Variants in CDH23 observed in about 807,000 individuals in gnomAD.
CDH23 encodes cadherin related 23, also known as cadherin-23.
CDH23 carries 189 observed loss-of-function variants against 317.1 expected under a neutral mutation model. The observed-to-expected ratio is 0.60, with a 90% CI of 0.53 to 0.67. CDH23 has a LOEUF of 0.67. Ranked by LOEUF, CDH23 falls within the 30% of genes least tolerant of loss-of-function variation. The pLI is 0.00. For missense variants in CDH23, 4,401 were observed against 4,592.4 expected (o/e 0.96, Z 1.20); for synonymous variants, 1,839 against 1,876.8 (o/e 0.98, Z 0.52).
Position 71,799,104 on chromosome 10 carries a change from G to A in CDH23, c.7055-7G>A. 6.2e-7 allele frequency: 1 copy of A among 1,611,530 alleles called. No homozygotes were observed. The highest frequency in any genetic ancestry group is 8.5e-7 in the Non-Finnish European group (1 of 1,178,018). ...CCAAAATGGCAGTGGGAGCCTCTGT[G>A]TCTTAGGGAAGGTCATTGCCAACCG... is the stretch of plus-strand genomic sequence containing the variant. On this transcript the variant is annotated splice_polypyrimidine_tract_variant and splice_region_variant and intron_variant, in intron 50 of 69. Transcript: ENST00000224721.
intron 9 of CDH23, among the ~76,000 whole-genome samples, chr10:71,583,944 A>C (rs911359160): frequency 4.6e-5 from 7 of 151,312 alleles, no homozygotes; most frequent in Middle Eastern, 3.4e-3. Context: ...CTAGTTCTCA[A>C]AGTGTGCTCC....
Position 71,751,990 on chromosome 10 carries a change from C to A in CDH23, c.4845+10069C>A. 9.4e-7 allele frequency: 1 copy of A among 1,064,428 alleles called. No homozygotes were observed. The highest frequency in any genetic ancestry group is 1.4e-6 in the Non-Finnish European group (1 of 716,462). 65.9% of individuals were successfully genotyped at this position (1,064,428 alleles called of 1,614,324 possible). ...CCATCCCCAAGCCTCAGCAGCATCT[C>A]CAAGCAAGAAGGCAGGAGCCAGGCC... On this transcript the variant is annotated intron_variant, in intron 38 of 69. Coordinates refer to ENST00000224721, the MANE Select transcript of CDH23 (RefSeq NM_022124.6). This position sits in a 1 kb window ranked among gnomAD's most constrained non-coding sequence, Gnocchi z 4.9.
At chr10:71,747,291 A>G (rs1839875153) in intron 38 of CDH23, among the ~76,000 whole-genome samples, 1 of 152,200 alleles carries the variant, frequency 6.6e-6, no homozygotes, top group Non-Finnish European at 1.5e-5. Context: ...GCAGGCAGAA[A>G]AGGGAGTGGC....
intron 8 of CDH23, among the ~76,000 whole-genome samples, chr10:71,576,890 A>G (rs1858245125): frequency 6.6e-6 from 1 of 152,174 alleles, no homozygotes. Flanking sequence ...TCAACCCATC[A>G]ATTGATATTC....
chr10:71,547,027 T>C (rs1856319842), intron 6 of CDH23, among the ~76,000 whole-genome samples: 1 of 152,234 alleles, frequency 6.6e-6, no homozygotes, highest in Admixed American at 6.5e-5. Context: ...TGTTTTTCAG[T>C]ACCTGTTTAA....
chr10:71,571,197 T>C (rs1857782045), intron 8 of CDH23, among the ~76,000 whole-genome samples: 1 of 152,158 alleles, frequency 6.6e-6, no homozygotes, highest in African/African-American at 2.4e-5. Flanking sequence ...CAGACTTATG[T>C]GGAGGGATGG....
At chr10:71,520,850 A>T (rs10999861) in intron 6 of CDH23, among the ~76,000 whole-genome samples, 1 of 152,012 alleles carries the variant, frequency 6.6e-6, no homozygotes, top group African/African-American at 2.4e-5. Context: ...CCCCTGTGAC[A>T]TGGAGGCCCA....
chr10:71,609,995 T>TGAGA (rs57981317), intron 9 of CDH23, among the ~76,000 whole-genome samples: 214 of 140,918 alleles, frequency 1.5e-3, no homozygotes, highest in African/African-American at 5.2e-3. Flanking sequence ...TGTGTGTGTG[T>TGAGA]GAGAGAGACA....
intron 6 of CDH23, among the ~76,000 whole-genome samples, chr10:71,522,124 A>C (rs1452236383): frequency 2.0e-5 from 2 of 101,092 alleles, no homozygotes; most frequent in Non-Finnish European, 3.9e-5. Context: ...ACAAGCTTAC[A>C]CAGGTTTTTT....
At chr10:71,443,160 C>T (rs10999810) in intron 2 of CDH23, among the ~76,000 whole-genome samples, 51,919 of 152,108 alleles carry the variant, frequency 0.34, 9,096 homozygotes, top group Middle Eastern at 0.47. Context: ...CCACCACCGC[C>T]CTGAGGCCTG....
chr10:71,709,117 G>A lies in CDH23; in HGVS notation c.3126G>A (p.Lys1042=), dbSNP rs915527320. ...CCACAGGTGGCAACGTGGATGGGAA[G>A]TTCAGCGTGGGTTACCGCGATGCCG... is the stretch of plus-strand genomic sequence containing the variant. ...YFITGGNVDG[K]FSVGYRDAVV... is the part of the protein sequence containing the mutation. Residue 1042 remains lysine, a synonymous_variant, in exon 27 of 70, where the codon AAG becomes AAA. Transcript: ENST00000224721. The A allele has an allele frequency of 6.2e-7, 1 of 1,613,936 alleles. No individual in the cohort carries two copies.
chr10:71,806,136 C>A, intron 56 of CDH23, 32 bp from the exon 57 acceptor site: 1 of 1,544,110 alleles, frequency 6.5e-7, no homozygotes, highest in Non-Finnish European at 8.8e-7. Flanking sequence ...CTCTCCCAGT[C>A]TTTTCCTCTG....
chr10:71,748,014 C>T (rs1455683228), intron 38 of CDH23: 1 of 152,316 alleles, frequency 6.6e-6, no homozygotes, highest in African/African-American at 2.4e-5. Flanking sequence ...GGCCTTTGTT[C>T]CCAGCATCCT....
chr10:71,565,366 G>A (rs975361842), intron 6 of CDH23, among the ~76,000 whole-genome samples: 8 of 152,124 alleles, frequency 5.3e-5, no homozygotes, highest in South Asian at 2.1e-4. Flanking sequence ...AGAGCTGGAG[G>A]GGGTAGAGGA....
chr10:71,601,621 C>T lies in CDH23; in HGVS notation c.833-13883C>T, dbSNP rs116096384. Among the ~76,000 whole-genome samples, 443 of 152,242 alleles carry T rather than the reference C, an allele frequency of 2.9e-3. 1 individual carries two copies. The highest frequency in any genetic ancestry group is 0.01 in the African/African-American group (426 of 41,548). ...TGGGAATCTCCAGATTCCCTGAACCCCATCCCTCAGGGCCCCCTTGGAGGG... is the reference window on the plus strand; with the variant it reads ...TGGGAATCTCCAGATTCCCTGAACCTCATCCCTCAGGGCCCCCTTGGAGGG... On this transcript the variant is annotated intron_variant, in intron 9 of 69. Coordinates refer to ENST00000224721, the MANE Select transcript of CDH23 (RefSeq NM_022124.6).
chr10:71,809,988 T>C lies in CDH23; in HGVS notation c.8891T>C (p.Ile2964Thr). ...DQRVKIVINE[I>T]PDRVRGFEEE... ...CGCGTCAAGATCGTCATTAACGAGA[T>C]CCCCGACCGTGTGCGCGGCTTCGAG... Residue 2964 changes from isoleucine to threonine, a missense_variant, in exon 61 of 70, where the codon ATC becomes ACC. Ile to Thr is a moderately conservative substitution (Grantham distance 89). Coordinates refer to ENST00000224721, the MANE Select transcript of CDH23 (RefSeq NM_022124.6). 1.9e-6 allele frequency: 3 copies of C among 1,612,168 alleles called. No homozygotes were observed. Among genetic ancestry groups the C allele is most frequent in the Non-Finnish European group, 2.5e-6 (3 of 1,179,872 alleles).
chr10:71,590,873 T>TAAAAAAAAAAC (rs1859423643), intron 9 of CDH23, among the ~76,000 whole-genome samples: 1 of 72,310 alleles, frequency 1.4e-5, no homozygotes, highest in Non-Finnish European at 2.7e-5. Flanking sequence ...ACCCTGTCTC[T>TAAAAAAAAAAC]AAAAAAAAAA....
Position 71,622,111 on chromosome 10 carries a change from T to C in CDH23, c.1134+4718T>C, listed in dbSNP as rs1006918379. On this transcript the variant is annotated intron_variant, in intron 11 of 69. Coordinates refer to ENST00000224721, the MANE Select transcript of CDH23 (RefSeq NM_022124.6). The stretch of plus-strand genomic sequence containing the variant: ...CAAATTAAAGGTTGTGGCAGCCTCA[T>C]TCCCCTGCACCTGGTGGCTGGGCGT... Among the ~76,000 whole-genome samples, 7 of 152,200 alleles carry C rather than the reference T, an allele frequency of 4.6e-5. No homozygotes were observed. The South Asian group carries it at 1.5e-3, about 32-fold the overall frequency.
chr10:71,702,793 G>C, intron 24 of CDH23, 99 bp downstream of exon 24: 1 of 1,382,034 alleles, frequency 7.2e-7, no homozygotes, highest in Non-Finnish European at 1.0e-6. Context: ...TGGGGCAGGG[G>C]AGGAGCTGGG....
Sources: gnomAD v4.1 joint callset for allele counts (sites outside exome capture counted in the v4.1 genomes callset) on GRCh38, gnomAD v4.1.1 for gene constraint, Gnocchi (gnomAD v3.1) non-coding constraint, MANE v1.5 for transcripts, NCBI Gene and HGNC (gene_info 2026-07-23, HGNC 2026-07-21) for gene names.